ZFAND3: variants seen among roughly 807,000 people sequenced by gnomAD.
The protein encoded by ZFAND3 is zinc finger AN1-type containing 3.
In ZFAND3, 10 loss-of-function variants were observed where a neutral mutation model predicts 29.6. The observed-to-expected ratio is 0.34, with a 90% CI of 0.21 to 0.57. The LOEUF (loss-of-function observed/expected upper bound fraction) is 0.57. Ranked by LOEUF, ZFAND3 falls within the 20% of genes least tolerant of loss-of-function variation. ZFAND3 has a pLI of 0.86. For synonymous variants in ZFAND3, 128 were observed against 112.6 expected (o/e 1.14, Z -0.87); for missense variants, 230 against 304.5 (o/e 0.76, Z 1.82).
rs531148807 is a variant in ZFAND3 at position 37,885,293 on chromosome 6, C to G, written c.72-44666C>G. ...GAATATTTCCAGAGATTTGGAGTCACAAGACTTGTGTGACCTTGGTTTCCT... is the reference window on the plus strand; with the variant it reads ...GAATATTTCCAGAGATTTGGAGTCAGAAGACTTGTGTGACCTTGGTTTCCT... On this transcript the variant is annotated intron_variant, in intron 1 of 5. Coordinates refer to ENST00000287218, the MANE Select transcript of ZFAND3 (RefSeq NM_021943.3). 2.0e-5 allele frequency among the ~76,000 whole-genome samples: 3 copies of G among 152,232 alleles called. 1 individual carries two copies. The highest frequency in any genetic ancestry group is 7.2e-5 in the African/African-American group (3 of 41,544).
intron 1 of ZFAND3, among the ~76,000 whole-genome samples, chr6:37,882,928 A>G (rs1741231623): frequency 6.6e-6 from 1 of 152,184 alleles, no homozygotes; most frequent in South Asian, 2.1e-4. Context: ...GCTATATTTA[A>G]AACATGTAGC....
intron 1 of ZFAND3, among the ~76,000 whole-genome samples, chr6:37,879,693 G>T (rs1195133005): frequency 6.6e-6 from 1 of 152,172 alleles, no homozygotes; most frequent in Non-Finnish European, 1.5e-5. Flanking sequence ...CAATCTGGAT[G>T]ATAGTAAATT....
chr6:37,975,912 C>G (rs532146128), intron 2 of ZFAND3, among the ~76,000 whole-genome samples: 6 of 152,078 alleles, frequency 3.9e-5, no homozygotes, highest in Non-Finnish European at 7.4e-5. Context: ...CAGTTTCTCC[C>G]AAAAATCCTG....
intron 5 of ZFAND3, chr6:38,143,073 T>C (rs1362112298): frequency 2.0e-5 from 3 of 152,256 alleles, no homozygotes; most frequent in South Asian, 4.1e-4. Flanking sequence ...TTTTCCTATA[T>C]GGAGGCAAAA....
chr6:38,144,181 TATAATATATATATA>T (rs1441514732), intron 5 of ZFAND3, among the ~76,000 whole-genome samples: 4 of 36,706 alleles, frequency 1.1e-4, no homozygotes, highest in Non-Finnish European at 1.8e-4. Flanking sequence ...GATATATATA[TATAATATATATATA>T]TATATATATA....
At chr6:38,041,201 GT>G (rs1242232949) in intron 2 of ZFAND3, among the ~76,000 whole-genome samples, 1 of 152,174 alleles carries the variant, frequency 6.6e-6, no homozygotes, top group Non-Finnish European at 1.5e-5. Context: ...ATGTGTGTCT[GT>G]AGTGCATAGT....
At chr6:37,862,563 A>G (rs1038470637) in intron 1 of ZFAND3, among the ~76,000 whole-genome samples, 1 of 151,588 alleles carries the variant, frequency 6.6e-6, no homozygotes, top group Admixed American at 6.6e-5. Flanking sequence ...GCTTGCCTAT[A>G]GGCTCAGCTA....
At chr6:37,911,172 T>G (rs1425813486) in intron 1 of ZFAND3, among the ~76,000 whole-genome samples, 1 of 152,182 alleles carries the variant, frequency 6.6e-6, no homozygotes, top group Non-Finnish European at 1.5e-5. Flanking sequence ...GTTCCCTTTT[T>G]CCCCCACGTC....
At chr6:38,080,719 C>T (rs75339864) in intron 3 of ZFAND3, among the ~76,000 whole-genome samples, 109 of 152,150 alleles carry the variant, frequency 7.2e-4, no homozygotes, top group African/African-American at 2.5e-3. Flanking sequence ...AACAAAGAAC[C>T]CTTACATGGA....
chr6:37,870,882 T>C (rs1231997619), intron 1 of ZFAND3, among the ~76,000 whole-genome samples: 1 of 152,172 alleles, frequency 6.6e-6, no homozygotes, highest in Non-Finnish European at 1.5e-5. Flanking sequence ...TCTTATATGA[T>C]TTGTCATTTT....
At chr6:38,018,658 A>G (rs1763292324) in intron 2 of ZFAND3, among the ~76,000 whole-genome samples, 1 of 152,178 alleles carries the variant, frequency 6.6e-6, no homozygotes, top group South Asian at 2.1e-4. Context: ...ATAGTTTTAC[A>G]TTATACTGCC....
chr6:37,908,540 AT>A (rs756054734), intron 1 of ZFAND3, among the ~76,000 whole-genome samples: 2 of 81,726 alleles, frequency 2.4e-5, no homozygotes, highest in African/African-American at 5.3e-5. Context: ...AAAAAAAAAA[AT>A]TAAAAAAAAA....
chr6:38,066,651 G>A (rs951899361), intron 3 of ZFAND3, among the ~76,000 whole-genome samples: 1 of 152,204 alleles, frequency 6.6e-6, no homozygotes, highest in African/African-American at 2.4e-5. Flanking sequence ...CAAGAAAACA[G>A]ATGTTGCTTA....
At chr6:37,990,197 C>G (rs1245734208) in intron 2 of ZFAND3, among the ~76,000 whole-genome samples, 1 of 152,156 alleles carries the variant, frequency 6.6e-6, no homozygotes, top group African/African-American at 2.4e-5. Flanking sequence ...AGTAAGTTTT[C>G]AGGTGATGGT....
At chr6:38,010,599 CTTTTTT>C (rs759693005) in intron 2 of ZFAND3, among the ~76,000 whole-genome samples, 1 of 139,360 alleles carries the variant, frequency 7.2e-6, no homozygotes, top group East Asian at 2.0e-4. Flanking sequence ...CGCCCCCAAC[CTTTTTT>C]TTTTTTTTTT....
intron 2 of ZFAND3, among the ~76,000 whole-genome samples, chr6:37,999,059 T>C (rs992178115): frequency 6.6e-5 from 10 of 152,152 alleles, no homozygotes; most frequent in African/African-American, 2.4e-4. Flanking sequence ...GTTCTAGGAC[T>C]GGAGTAGGAA....
At chr6:38,133,557 G>A (rs1344646616) in intron 5 of ZFAND3, among the ~76,000 whole-genome samples, 2 of 152,046 alleles carry the variant, frequency 1.3e-5, no homozygotes, top group Non-Finnish European at 2.9e-5. Flanking sequence ...AGACCGTCCT[G>A]GCTAACATGG....
intron 1 of ZFAND3, among the ~76,000 whole-genome samples, chr6:37,891,121 A>C (rs1765089362): frequency 6.6e-6 from 1 of 152,178 alleles, no homozygotes; most frequent in Admixed American, 6.5e-5. Context: ...GCTGTCTAAA[A>C]TTTCCTTCTT....
intron 2 of ZFAND3, among the ~76,000 whole-genome samples, chr6:37,944,916 G>C (rs934519568): frequency 2.4e-4 from 36 of 152,222 alleles, no homozygotes; most frequent in Admixed American, 2.4e-3. Flanking sequence ...GCATACTCCA[G>C]ACAGGGTTTG....
Sources: gnomAD v4.1 joint callset for allele counts (sites outside exome capture counted in the v4.1 genomes callset) on GRCh38, gnomAD v4.1.1 for gene constraint, MANE v1.5 for transcripts, NCBI Gene and HGNC (gene_info 2026-07-23, HGNC 2026-07-21) for gene names.